The following WWC2 variants were observed in gnomAD, a reference collection of about 807,000 sequenced individuals.
WWC2 encodes the protein WW and C2 domain containing 2.
A neutral mutation model predicts 138.5 loss-of-function variants in WWC2; 101 were observed. That is an observed-to-expected ratio of 0.73 (90% CI 0.62 to 0.86). The LOEUF (loss-of-function observed/expected upper bound fraction) is 0.86, where lower values mean the gene tolerates loss of function less well. WWC2 is among the 40% of genes least tolerant of loss of function. The pLI is 0.00. For synonymous variants in WWC2, 558 were observed against 538.4 expected (o/e 1.04, Z -0.50); for missense variants, 1,420 against 1,419.4 (o/e 1.00, Z -0.01).
intron 21 of WWC2, among the ~76,000 whole-genome samples, chr4:183,308,877 A>G (rs186444238): frequency 2.0e-5 from 3 of 152,322 alleles, no homozygotes; most frequent in Admixed American, 1.3e-4. Context: ...AATATTTTCT[A>G]TTCATGGTTG....
chr4:183,273,227 A>G (rs1410394071), intron 16 of WWC2, among the ~76,000 whole-genome samples: 1 of 71,972 alleles, frequency 1.4e-5, no homozygotes, highest in Non-Finnish European at 4.0e-5. Context: ...GGCCATTAGT[A>G]TATCTTTTTT....
At chr4:183,207,828 C>T in intron 2 of WWC2, 125 bp from the exon 3 acceptor site, 1 of 883,580 alleles carries the variant, frequency 1.1e-6, no homozygotes, top group Non-Finnish European at 1.7e-6. Context: ...GGAGAAGTCA[C>T]TCCAGCACAG....
At chr4:183,266,081 A>G in intron 14 of WWC2, 130 bp downstream of exon 14, 1 of 787,762 alleles carries the variant, frequency 1.3e-6, no homozygotes, top group East Asian at 2.7e-5. Context: ...TCATGTCTAA[A>G]TGAATGGCAG....
chr4:183,175,136 A>G (rs1352588691), intron 1 of WWC2, among the ~76,000 whole-genome samples: 1 of 152,250 alleles, frequency 6.6e-6, no homozygotes, highest in East Asian at 1.9e-4. Flanking sequence ...TTACAGGACT[A>G]TAATTATCAT....
At chr4:183,178,617 A>G (rs1560827983) in intron 1 of WWC2, among the ~76,000 whole-genome samples, 1 of 151,200 alleles carries the variant, frequency 6.6e-6, no homozygotes, top group Non-Finnish European at 1.5e-5. Flanking sequence ...CAGAGGATGG[A>G]ACTGAAGCAC....
chr4:183,238,150 T>G (rs1736487729), intron 4 of WWC2, among the ~76,000 whole-genome samples: 1 of 152,224 alleles, frequency 6.6e-6, no homozygotes, highest in Non-Finnish European at 1.5e-5. Context: ...AATGAATGTC[T>G]TAAAGAAAAC....
chr4:183,273,388 T>C (rs1296575343), intron 16 of WWC2, among the ~76,000 whole-genome samples: 1 of 152,132 alleles, frequency 6.6e-6, no homozygotes, highest in Admixed American at 6.6e-5. Context: ...AACCACAACC[T>C]CTCCCTCCCA....
chr4:183,202,019 G>T (rs1441569024), intron 2 of WWC2, among the ~76,000 whole-genome samples: 1 of 152,302 alleles, frequency 6.6e-6, no homozygotes, highest in African/African-American at 2.4e-5. Context: ...TTGGTTGGAA[G>T]GCAGAAGGAG....
intron 20 of WWC2, 68 bp downstream of exon 20, chr4:183,286,127 A>G: frequency 1.5e-6 from 2 of 1,367,286 alleles, no homozygotes; most frequent in South Asian, 1.2e-5. Context: ...GTGCAGCACA[A>G]ACTCCAGAAC....
chr4:183,107,953 C>T (rs1732092135), intron 1 of WWC2, among the ~76,000 whole-genome samples: 1 of 151,982 alleles, frequency 6.6e-6, no homozygotes, highest in Admixed American at 6.6e-5. Context: ...AGGGTACCTT[C>T]TTCCTAAACA....
intron 11 of WWC2, among the ~76,000 whole-genome samples, chr4:183,262,841 G>A (rs1737374469): frequency 6.6e-6 from 1 of 152,102 alleles, no homozygotes; most frequent in Non-Finnish European, 1.5e-5. Context: ...AACCAGCCAA[G>A]CCTCCACTCA....
At chr4:183,200,229 TGTCA>T (rs10607436) in intron 2 of WWC2, among the ~76,000 whole-genome samples, 140,667 of 150,668 alleles carry the variant, frequency 0.93, 66,089 homozygotes, top group Non-Finnish European at 1. Context: ...TTCATTTAAG[TGTCA>T]GTCAGTGTTT....
chr4:183,113,515 T>TGTGCGCGCGCGC (rs371819502), intron 1 of WWC2, among the ~76,000 whole-genome samples: 4 of 126,644 alleles, frequency 3.2e-5, no homozygotes, highest in African/African-American at 1.2e-4. Context: ...TGTGTGTGTG[T>TGTGCGCGCGCGC]GCGCGCGCGT....
chr4:183,255,278 G>C (rs947711224), intron 9 of WWC2, among the ~76,000 whole-genome samples: 16 of 152,174 alleles, frequency 1.1e-4, no homozygotes, highest in African/African-American at 3.6e-4. Flanking sequence ...TGAGGGAAGT[G>C]TCAGCCAGGC....
chr4:183,300,339 TTC>T (rs1459544576), intron 21 of WWC2, among the ~76,000 whole-genome samples: 1 of 149,358 alleles, frequency 6.7e-6, no homozygotes, highest in African/African-American at 2.5e-5. Context: ...AAGCAGGAAT[TTC>T]TTTTTTTTTT....
intron 1 of WWC2, among the ~76,000 whole-genome samples, chr4:183,106,993 G>A (rs1182977173): frequency 1.3e-5 from 2 of 152,084 alleles, no homozygotes; most frequent in Non-Finnish European, 2.9e-5. Context: ...AACTTTTTGA[G>A]GGGACTGCTA....
chr4:183,208,225 C>A (rs1735498438), intron 3 of WWC2, 69 bp downstream of exon 3: 7 of 1,509,656 alleles, frequency 4.6e-6, no homozygotes, highest in Non-Finnish European at 6.3e-6. Context: ...AGACCACTTA[C>A]ATTTCTATGG....
At position 183,320,529 on chromosome 4, in the gene WWC2, A is replaced by G. The variant is rs539110891; in HGVS notation, c.*4800A>G. Reference sequence around the variant, plus strand: ...AAGTGATAATCTCCTTTCATTGTCAAGGTTAAAATGGCTTTCATGTTATTC... The same window carrying G: ...AAGTGATAATCTCCTTTCATTGTCAGGGTTAAAATGGCTTTCATGTTATTC... On this transcript the variant is annotated 3_prime_UTR_variant, in exon 23 of 23. Transcript: ENST00000403733. The G allele has an allele frequency of 5.7e-6, 2 of 348,576 alleles. No homozygotes were observed. Among genetic ancestry groups the G allele is most frequent in the South Asian group, 6.1e-5 (1 of 16,478 alleles). The allele number at this position is 348,576 out of a possible 1,614,324, so 21.6% of individuals were successfully genotyped here.
intron 21 of WWC2, among the ~76,000 whole-genome samples, 188 bp from the exon 22 acceptor site, chr4:183,312,153 C>T (rs767230356): frequency 2.6e-5 from 4 of 152,194 alleles, no homozygotes; most frequent in Non-Finnish European, 5.9e-5. Context: ...CCAAAATCAA[C>T]ATATGCACAG....
Sources: allele counts gnomAD v4.1 joint callset (sites outside exome capture counted in the v4.1 genomes callset), GRCh38; gene constraint gnomAD v4.1.1; transcripts MANE v1.5; gene names NCBI Gene and HGNC (gene_info 2026-07-23, HGNC 2026-07-21).